Variants in CDH12 observed in about 807,000 individuals in gnomAD.
CDH12 encodes the protein cadherin 12.
CDH12 carries 41 observed loss-of-function variants against 74.1 expected under a neutral mutation model. The ratio of observed to expected loss-of-function variants is 0.55; its 90% CI spans 0.43 to 0.72. The LOEUF (loss-of-function observed/expected upper bound fraction) is 0.72. Ranked by LOEUF, CDH12 falls within the 30% of genes least tolerant of loss-of-function variation. CDH12 has a pLI of 0.00. For synonymous variants in CDH12, 399 were observed against 355.0 expected (o/e 1.12, Z -1.39); for missense variants, 945 against 977.2 (o/e 0.97, Z 0.44).
At chr5:22,051,655 A>G (rs1352727912) in intron 5 of CDH12, among the ~76,000 whole-genome samples, 1 of 152,180 alleles carries the variant, frequency 6.6e-6, no homozygotes, top group East Asian at 1.9e-4. Context: ...CTACAATAAA[A>G]GAGTCTTTCT....
At chr5:22,108,920 A>G (rs1744660387) in intron 4 of CDH12, among the ~76,000 whole-genome samples, 1 of 152,224 alleles carries the variant, frequency 6.6e-6, no homozygotes, top group Non-Finnish European at 1.5e-5. Flanking sequence ...TAAAAAATAT[A>G]AAAATATTAC....
intron 5 of CDH12, among the ~76,000 whole-genome samples, chr5:22,078,094 A>C (rs1742455846): frequency 6.6e-6 from 1 of 152,138 alleles, no homozygotes; most frequent in South Asian, 2.1e-4. Context: ...GCTGTGAGCA[A>C]TAAAAATGAT....
At chr5:21,932,758 G>A (rs1754900356) in intron 6 of CDH12, among the ~76,000 whole-genome samples, 1 of 151,170 alleles carries the variant, frequency 6.6e-6, no homozygotes. Context: ...AATTAGCTGG[G>A]TGTCATGGCA....
chr5:22,420,373 G>A (rs79914798), intron 2 of CDH12, among the ~76,000 whole-genome samples: 1 of 152,120 alleles, frequency 6.6e-6, no homozygotes, highest in African/African-American at 2.4e-5. Context: ...AAGGGGTCCA[G>A]TTTCAATTTT....
At position 22,094,250 on chromosome 5, in the gene CDH12, G is replaced by T. The variant is rs546712695; in HGVS notation, c.-186-15388C>A. ...AAGCCATGCCTCAGCTTATTTTCTA[G>T]ACTAAGCCTTGGAACCAACTTAAGA... is the stretch of plus-strand genomic sequence containing the variant. On this transcript the variant is annotated intron_variant, in intron 4 of 14. Transcript: ENST00000382254. Among the ~76,000 whole-genome samples the T allele has an allele frequency of 2.0e-5, 3 of 152,274 alleles. No homozygotes were observed. The South Asian group carries it at 6.2e-4, about 32-fold the overall frequency.
At chr5:22,283,392 T>C (rs1737001617) in intron 3 of CDH12, among the ~76,000 whole-genome samples, 1 of 151,002 alleles carries the variant, frequency 6.6e-6, no homozygotes, top group Non-Finnish European at 1.5e-5. Context: ...AAATATTATA[T>C]ATGTGATATA....
chr5:22,095,593 GGC>G (rs918678246), intron 4 of CDH12, among the ~76,000 whole-genome samples: 39 of 151,708 alleles, frequency 2.6e-4, no homozygotes, highest in African/African-American at 8.2e-4. Flanking sequence ...TTTTCTGGGG[GGC>G]AAGAACCCCC....
chr5:21,764,890 AT>A (rs1744931963), intron 12 of CDH12, 87 bp downstream of exon 12: 1 of 1,203,906 alleles, frequency 8.3e-7, no homozygotes, highest in East Asian at 2.4e-5. Flanking sequence ...AAACAAATAT[AT>A]GTGTGCATAT....
intron 5 of CDH12, among the ~76,000 whole-genome samples, chr5:22,015,268 GT>G (rs1298501071): frequency 2.6e-5 from 4 of 152,102 alleles, no homozygotes; most frequent in Admixed American, 2.0e-4. Flanking sequence ...CATTCAGTGA[GT>G]TTTTTGTACA....
intron 6 of CDH12, among the ~76,000 whole-genome samples, chr5:21,875,989 G>A (rs570572589): frequency 1.4e-5 from 2 of 147,004 alleles, no homozygotes; most frequent in African/African-American, 2.5e-5. Flanking sequence ...TCTGCCTCCC[G>A]GGTTCAAGTG....
chr5:22,646,900 A>G (rs1055214184), intron 1 of CDH12, among the ~76,000 whole-genome samples: 4 of 151,974 alleles, frequency 2.6e-5, no homozygotes, highest in Non-Finnish European at 5.9e-5. Context: ...TTTGAAAACT[A>G]GTCACACATT....
chr5:22,395,147 T>A (rs1460777111), intron 3 of CDH12, among the ~76,000 whole-genome samples: 1 of 152,166 alleles, frequency 6.6e-6, no homozygotes, highest in Non-Finnish European at 1.5e-5. Context: ...GAGCAGGATC[T>A]AAATCCAATA....
chr5:22,535,445 C>T (rs1299043429), intron 1 of CDH12, among the ~76,000 whole-genome samples: 5 of 152,210 alleles, frequency 3.3e-5, no homozygotes, highest in Admixed American at 2.0e-4. Flanking sequence ...CGTGAGCCAA[C>T]GCACCCGGCC....
At chr5:22,065,458 G>C (rs4285188) in intron 5 of CDH12, among the ~76,000 whole-genome samples, 2,877 of 152,258 alleles carry the variant, frequency 0.019, 91 homozygotes, top group African/African-American at 0.066. Context: ...TGTTTTGTTT[G>C]TTTGGCTGAA....
chr5:22,119,680 T>C (rs1745390905), intron 4 of CDH12, among the ~76,000 whole-genome samples: 1 of 152,134 alleles, frequency 6.6e-6, no homozygotes, highest in South Asian at 2.1e-4. Context: ...CATGCCTTCA[T>C]AGCCAAAAGG....
chr5:21,916,745 T>C (rs529536427), intron 6 of CDH12, among the ~76,000 whole-genome samples: 1 of 152,266 alleles, frequency 6.6e-6, no homozygotes, highest in African/African-American at 2.4e-5. Context: ...TTTTAATTGA[T>C]GCTGTCCGAT....
chr5:22,451,842 A>G (rs1049589734), intron 2 of CDH12, among the ~76,000 whole-genome samples: 4 of 151,944 alleles, frequency 2.6e-5, no homozygotes, highest in Non-Finnish European at 5.9e-5. Context: ...GAAGTAGTGT[A>G]GACTCCACTA....
chr5:22,532,845 A>C lies in CDH12; in HGVS notation c.-522-27481T>G, dbSNP rs147533480. On this transcript the variant is annotated intron_variant, in intron 1 of 14. Coordinates refer to ENST00000382254, the MANE Select transcript of CDH12 (RefSeq NM_004061.5). ...TTTTCACAAATAAATATATAATCAA[A>C]AATTTTAAATACTAAATAATAAGTC... Among the ~76,000 whole-genome samples, 1,271 of 152,208 alleles carry C rather than the reference A, an allele frequency of 8.4e-3. 12 individuals are homozygous for C. Among genetic ancestry groups the C allele is most frequent in the African/African-American group, 0.029 (1,225 of 41,548 alleles).
rs948366451 is a variant in CDH12 at position 22,311,427 on chromosome 5, G to A, written c.-333+93830C>T. On this transcript the variant is annotated intron_variant, in intron 3 of 14. Coordinates refer to ENST00000382254, the MANE Select transcript of CDH12 (RefSeq NM_004061.5). ...AAATACCTTTAAACAATTGTGGGCC[G>A]GGCGCGGTGGCTCACACCTGTAATC... Among the ~76,000 whole-genome samples, 6 of 152,132 alleles carry A rather than the reference G, an allele frequency of 3.9e-5. No homozygotes were observed. The South Asian group carries it at 1.0e-3, about 26-fold the overall frequency.
Sources: allele counts gnomAD v4.1 joint callset (sites outside exome capture counted in the v4.1 genomes callset), GRCh38; gene constraint gnomAD v4.1.1; transcripts MANE v1.5; gene names NCBI Gene and HGNC (gene_info 2026-07-23, HGNC 2026-07-21).